ZFAND3: variants seen among roughly 807,000 people sequenced by gnomAD.
ZFAND3 encodes the protein zinc finger AN1-type containing 3, also known as AN1-type zinc finger protein 3.
Under a neutral mutation model 29.6 loss-of-function variants are expected in ZFAND3, and 10 were observed. The ratio of observed to expected loss-of-function variants is 0.34; its 90% CI spans 0.21 to 0.57. The LOEUF (loss-of-function observed/expected upper bound fraction) is 0.57, where lower values mean the gene tolerates loss of function less well. Ranked by LOEUF, ZFAND3 falls within the 20% of genes least tolerant of loss-of-function variation. ZFAND3 has a pLI of 0.86. For synonymous variants in ZFAND3, 128 were observed against 112.6 expected (o/e 1.14, Z -0.87); for missense variants, 230 against 304.5 (o/e 0.76, Z 1.82).
At chr6:37,831,088 G>C (rs2127367959) in intron 1 of ZFAND3, among the ~76,000 whole-genome samples, 1 of 152,272 alleles carries the variant, frequency 6.6e-6, no homozygotes, top group South Asian at 2.1e-4. Context: ...ATCTGGATTG[G>C]AATCAAAGAC....
chr6:37,867,733 AACCAGT>A (rs1202199369), intron 1 of ZFAND3, among the ~76,000 whole-genome samples: 2 of 152,230 alleles, frequency 1.3e-5, no homozygotes, highest in Non-Finnish European at 2.9e-5. Context: ...TCACAATAAG[AACCAGT>A]ACTCAGTCTT....
chr6:37,936,995 T>C (rs1157131498), intron 2 of ZFAND3, among the ~76,000 whole-genome samples: 5 of 152,144 alleles, frequency 3.3e-5, no homozygotes, highest in Non-Finnish European at 2.9e-5. Flanking sequence ...GGATAACAAA[T>C]TCCCATTTCA....
chr6:38,103,374 A>G (rs7449672), intron 4 of ZFAND3, among the ~76,000 whole-genome samples: 1 of 146,904 alleles, frequency 6.8e-6, no homozygotes, highest in East Asian at 2.0e-4. Flanking sequence ...ATATACACAC[A>G]ATATATATAT....
chr6:38,029,528 A>G (rs1031115936), intron 2 of ZFAND3, among the ~76,000 whole-genome samples: 1 of 152,200 alleles, frequency 6.6e-6, no homozygotes, highest in East Asian at 1.9e-4. Context: ...CACAGCATTT[A>G]TGGTTGTAAT....
intron 2 of ZFAND3, among the ~76,000 whole-genome samples, chr6:37,967,083 G>A (rs1762305974): frequency 6.6e-6 from 1 of 152,178 alleles, no homozygotes; most frequent in South Asian, 2.1e-4. Flanking sequence ...CTTCATTAGG[G>A]TGATATCTGC....
chr6:38,118,073 T>C (rs1765455856), intron 5 of ZFAND3, among the ~76,000 whole-genome samples: 1 of 152,240 alleles, frequency 6.6e-6, no homozygotes, highest in East Asian at 1.9e-4. Flanking sequence ...GTTATAGTGC[T>C]AAGCATTTTT....
chr6:38,004,956 C>G (rs1448538764), intron 2 of ZFAND3, among the ~76,000 whole-genome samples: 1 of 152,170 alleles, frequency 6.6e-6, no homozygotes, highest in Non-Finnish European at 1.5e-5. Flanking sequence ...TCACTGTGGT[C>G]TCTTCTGATT....
At chr6:37,824,313 G>T (rs1424916835) in intron 1 of ZFAND3, among the ~76,000 whole-genome samples, 2 of 152,162 alleles carry the variant, frequency 1.3e-5, no homozygotes, top group African/African-American at 4.8e-5. Context: ...GATATAAGTG[G>T]TATTAGTTGA....
Position 38,153,164 on chromosome 6 carries a change from G to A in ZFAND3, c.*775G>A, listed in dbSNP as rs779552848. 3.0e-5 allele frequency: 30 copies of A among 985,364 alleles called. No individual in the cohort carries two copies. Among genetic ancestry groups the A allele is most frequent in the South Asian group, 1.4e-4 (3 of 21,290 alleles). The allele number at this position is 985,364 out of a possible 1,614,324, so 61.0% of individuals were successfully genotyped here. ...CTCCGCCGGCTCTGGTCTGCCATTC[G>A]CCAGTGCAGGGATCTGGCACGGACC... On this transcript the variant is annotated 3_prime_UTR_variant, in exon 6 of 6. Transcript: ENST00000287218.
chr6:37,889,868 AATAC>A (rs1371697378), intron 1 of ZFAND3, among the ~76,000 whole-genome samples: 2 of 152,252 alleles, frequency 1.3e-5, no homozygotes, highest in Non-Finnish European at 2.9e-5. Flanking sequence ...GAAGCTACAT[AATAC>A]ATATTTTAAG....
chr6:37,834,160 G>A (rs767056748), intron 1 of ZFAND3, among the ~76,000 whole-genome samples: 1 of 152,072 alleles, frequency 6.6e-6, no homozygotes, highest in Non-Finnish European at 1.5e-5. Flanking sequence ...TGCTCTGCCT[G>A]TTCATCTCTC....
intron 5 of ZFAND3, among the ~76,000 whole-genome samples, chr6:38,152,031 A>C (rs1766237712): frequency 6.6e-6 from 1 of 152,138 alleles, no homozygotes; most frequent in Admixed American, 6.5e-5. Flanking sequence ...AGGCTTGAGC[A>C]GCTGTGGAAT....
Position 38,061,574 on chromosome 6 carries a change from G to A in ZFAND3, c.113-19G>A, listed in dbSNP as rs376698602. 195 of 1,613,560 alleles carry A rather than the reference G, an allele frequency of 1.2e-4. 2 individuals are homozygous for A. In the South Asian group the frequency reaches 1.8e-3, roughly 15 times the overall value. On this transcript the variant is annotated intron_variant, in intron 2 of 5. Transcript: ENST00000287218. ...GACTGTGAACTCCTTAATTAAGCTC[G>A]TTTTCTATTTTTCTTCAGATTTTCA... is the stretch of plus-strand genomic sequence containing the variant.
intron 1 of ZFAND3, among the ~76,000 whole-genome samples, chr6:37,895,155 T>G (rs1765176581): frequency 6.6e-6 from 1 of 152,132 alleles, no homozygotes; most frequent in South Asian, 2.1e-4. Flanking sequence ...CCTTTTAAAG[T>G]TTCCTCACTC....
At chr6:38,084,042 T>C (rs918105794) in intron 4 of ZFAND3, among the ~76,000 whole-genome samples, 15 of 152,204 alleles carry the variant, frequency 9.9e-5, no homozygotes, top group African/African-American at 3.6e-4. Context: ...AACTTAAGTA[T>C]ATTTTCTGAG....
At chr6:37,964,796 G>A (rs935293274) in intron 2 of ZFAND3, among the ~76,000 whole-genome samples, 7 of 152,158 alleles carry the variant, frequency 4.6e-5, no homozygotes, top group Non-Finnish European at 8.8e-5. Flanking sequence ...ATGGCTTAGT[G>A]ATTAAGGGCT....
At chr6:38,081,454 T>C (rs1764660112) in intron 3 of ZFAND3, among the ~76,000 whole-genome samples, 1 of 152,146 alleles carries the variant, frequency 6.6e-6, no homozygotes, top group Admixed American at 6.5e-5. Flanking sequence ...CTTTCCCTCC[T>C]TTTCAGTGAG....
intron 1 of ZFAND3, among the ~76,000 whole-genome samples, chr6:37,914,021 G>A (rs1437049159): frequency 6.6e-6 from 1 of 152,050 alleles, no homozygotes; most frequent in Non-Finnish European, 1.5e-5. Context: ...TACTGCACCT[G>A]GCTGGCAGCT....
At chr6:38,133,024 G>T in intron 5 of ZFAND3, among the ~76,000 whole-genome samples, 1 of 152,226 alleles carries the variant, frequency 6.6e-6, no homozygotes, top group East Asian at 1.9e-4. Context: ...GACAGGGTCA[G>T]AAACAGGACT....
Sources: allele counts gnomAD v4.1 joint callset (sites outside exome capture counted in the v4.1 genomes callset), GRCh38; gene constraint gnomAD v4.1.1; transcripts MANE v1.5; gene names NCBI Gene and HGNC (gene_info 2026-07-23, HGNC 2026-07-21).